Variants in BRD7 observed in about 807,000 individuals in gnomAD.
BRD7 encodes bromodomain containing 7.
BRD7 carries 15 observed loss-of-function variants against 82.1 expected under a neutral mutation model. The observed-to-expected ratio is 0.18, with a 90% CI of 0.12 to 0.28. The LOEUF is 0.28. Ranked by LOEUF, BRD7 falls within the 10% of genes least tolerant of loss-of-function variation. The probability of loss-of-function intolerance (pLI) is 1.00; values close to 1 mark genes in which losing one functional copy is unlikely to be tolerated. For missense variants in BRD7, 638 were observed against 779.9 expected (o/e 0.82, Z 2.17); for synonymous variants, 232 against 266.9 (o/e 0.87, Z 1.27).
chr16:50,332,319 A>C (rs1026653093), intron 8 of BRD7, among the ~76,000 whole-genome samples: 1 of 152,228 alleles, frequency 6.6e-6, no homozygotes, highest in African/African-American at 2.4e-5. Flanking sequence ...GAAACAAACA[A>C]ATAGCCCCAT....
intron 5 of BRD7, among the ~76,000 whole-genome samples, chr16:50,344,380 T>C (rs1044660736): frequency 3.9e-5 from 6 of 152,122 alleles, no homozygotes; most frequent in African/African-American, 1.4e-4. Flanking sequence ...CGCAGCTCCT[T>C]GCCAGCAACG....
intron 4 of BRD7, among the ~76,000 whole-genome samples, chr16:50,353,589 A>T (rs1482322413): frequency 6.6e-6 from 1 of 151,440 alleles, no homozygotes; most frequent in Non-Finnish European, 1.5e-5. Context: ...AATATATTTT[A>T]TTTATTTATT....
In BRD7 at chr16:50,349,999, G is replaced by C. The variant is rs189488639; in HGVS notation, c.591+24C>G. On this transcript the variant is annotated intron_variant, in intron 5 of 16. Transcript: ENST00000394688. ...ACATGCAGATTTCTACCAAGATTTT[G>C]TGTATATAGGATTGAAGAGTTACCT... The C allele has an allele frequency of 9.5e-5, 144 of 1,508,654 alleles. No individual in the cohort carries two copies. In the African/African-American group the frequency reaches 1.9e-3, roughly 19 times the overall value. 93.5% of individuals were successfully genotyped at this position (1,508,654 alleles called of 1,614,324 possible). A position where few individuals can be genotyped will look rare whatever the true frequency, so the allele number is the denominator to read the frequency against.
chr16:50,323,716 G>T lies in BRD7; in HGVS notation c.1332-18C>A. 6.3e-7 allele frequency: 1 copy of T among 1,589,558 alleles called. No individual in the cohort carries two copies. Among genetic ancestry groups the T allele is most frequent in the Non-Finnish European group, 8.6e-7 (1 of 1,158,080 alleles). On this transcript the variant is annotated intron_variant, in intron 11 of 16. Coordinates refer to ENST00000394688, the MANE Select transcript of BRD7 (RefSeq NM_013263.5). ...CATGGATGCTGCAAGAGACAGTTAG[G>T]AAAGTCTCACATAAATCACCTCCAC...
intron 2 of BRD7, among the ~76,000 whole-genome samples, chr16:50,364,776 A>G (rs570700883): frequency 1.3e-5 from 2 of 152,370 alleles, no homozygotes; most frequent in African/African-American, 2.4e-5. Flanking sequence ...AGTAATAATC[A>G]TAAGTATGGT....
At chr16:50,337,101 G>C (rs1391454449) in intron 6 of BRD7, among the ~76,000 whole-genome samples, 1 of 152,120 alleles carries the variant, frequency 6.6e-6, no homozygotes, top group East Asian at 1.9e-4. Flanking sequence ...AGCTTCCAAA[G>C]GGTAGAGCTA....
chr16:50,337,514 C>T (rs1270364765), intron 6 of BRD7, among the ~76,000 whole-genome samples: 2 of 152,106 alleles, frequency 1.3e-5, no homozygotes, highest in Non-Finnish European at 2.9e-5. Flanking sequence ...CCCACCTCAG[C>T]CTCCCAAAGT....
intron 8 of BRD7, among the ~76,000 whole-genome samples, chr16:50,330,051 ACTC>A (rs1316991964): frequency 6.6e-6 from 1 of 151,872 alleles, no homozygotes; most frequent in Non-Finnish European, 1.5e-5. Flanking sequence ...GGCATCAAAG[ACTC>A]CTCTTTTTGG....
At chr16:50,343,354 G>A (rs568260030) in intron 5 of BRD7, among the ~76,000 whole-genome samples, 48 of 152,292 alleles carry the variant, frequency 3.2e-4, no homozygotes, top group Middle Eastern at 3.4e-3. Flanking sequence ...CAAGGTGGCC[G>A]AATAGGAACA....
chr16:50,324,017 G>C (rs1374090523), intron 11 of BRD7, among the ~76,000 whole-genome samples: 1 of 152,024 alleles, frequency 6.6e-6, no homozygotes, highest in African/African-American at 2.4e-5. Flanking sequence ...TTTCATATGG[G>C]ATCAAAAAAC....
At chr16:50,362,516 A>G (rs2038970814) in intron 2 of BRD7, among the ~76,000 whole-genome samples, 1 of 147,312 alleles carries the variant, frequency 6.8e-6, no homozygotes, top group South Asian at 2.2e-4. Flanking sequence ...TCCTCGCAGC[A>G]TTATTCATAA....
Position 50,323,687 on chromosome 16 carries a change from A to C in BRD7, c.1343T>G (p.Phe448Cys). The change falls in exon 12 of 17, where the codon TTT becomes TGT. Residue 448 changes from phenylalanine (F) to cysteine (C), a missense_variant. Around this residue, in one of 3 missense-constraint regions of BRD7, gnomAD observed 402 missense variants for 500.8 expected, o/e 0.80. Transcript: ENST00000394688. The part of the protein sequence containing the change: ...DLPSDFSIHE[F>C]LATCQDYPYV... The stretch of plus-strand genomic sequence containing the variant: ...CGGATAATCTTGGCACGTGGCCAAA[A>C]ACTCATGGATGCTGCAAGAGACAGT... The C allele has an allele frequency of 4.3e-6, 7 of 1,613,530 alleles. No individual in the cohort carries two copies. The highest frequency in any genetic ancestry group is 5.9e-6 in the Non-Finnish European group (7 of 1,179,482).
intron 2 of BRD7, among the ~76,000 whole-genome samples, chr16:50,363,674 T>TGC (rs2039026976): frequency 1.7e-5 from 1 of 58,140 alleles, no homozygotes; most frequent in Non-Finnish European, 6.2e-5. Flanking sequence ...CGCGCGCGCG[T>TGC]GCGCGTGTGC....
chr16:50,352,697 CTTTG>C (rs773324944), intron 4 of BRD7, among the ~76,000 whole-genome samples: 2,138 of 128,478 alleles, frequency 0.017, 35 homozygotes, highest in African/African-American at 0.056. Context: ...TTCTTGCCAG[CTTTG>C]TTTTTTTTTT....
intron 6 of BRD7, 135 bp downstream of exon 6, chr16:50,339,841 T>C: frequency 2.3e-6 from 1 of 433,980 alleles, no homozygotes; most frequent in Non-Finnish European, 4.0e-6. Context: ...TCATTTAGTA[T>C]TTTCTACTTT....
chr16:50,368,074 A>G lies in BRD7; in HGVS notation c.258+16T>C. ...CAGTGCCGTCCGCAAAGCCAAAGCA[A>G]TGTAACCACTTGTACCTTAACTCTT... On this transcript the variant is annotated intron_variant, in intron 2 of 16. Transcript: ENST00000394688. The G allele has an allele frequency of 1.9e-6, 3 of 1,613,800 alleles. No homozygotes were observed. The highest frequency in any genetic ancestry group is 2.2e-5 in the East Asian group (1 of 44,886).
intron 6 of BRD7, 54 bp downstream of exon 6, chr16:50,339,922 A>G: frequency 2.7e-6 from 3 of 1,127,592 alleles, no homozygotes; most frequent in Non-Finnish European, 3.9e-6. Flanking sequence ...TATGGCCAAC[A>G]AACAGCGACA....
At chr16:50,368,473 C>G in intron 1 of BRD7, 175 bp from the exon 2 acceptor site, 1 of 799,030 alleles carries the variant, frequency 1.3e-6, no homozygotes, top group Non-Finnish European at 1.9e-6. Flanking sequence ...CGCCGCCCGC[C>G]CCGAACGCTC....
intron 8 of BRD7, among the ~76,000 whole-genome samples, chr16:50,330,755 A>C (rs1416827417): frequency 6.6e-6 from 1 of 152,222 alleles, no homozygotes; most frequent in African/African-American, 2.4e-5. Context: ...TTTCGCTCAA[A>C]TGCCCTTTAG....
Sources: gnomAD v4.1 joint callset for allele counts (sites outside exome capture counted in the v4.1 genomes callset) on GRCh38, gnomAD v4.1.1 for gene constraint, gnomAD v4.1.1 regional missense constraint, MANE v1.5 for transcripts, NCBI Gene and HGNC (gene_info 2026-07-23, HGNC 2026-07-21) for gene names.